The following TMEM131 variants were observed in gnomAD, a reference collection of about 807,000 sequenced individuals.
The protein encoded by TMEM131 is 2610524E03Rik.
TMEM131 carries 66 observed loss-of-function variants against 211.6 expected under a neutral mutation model. The observed-to-expected ratio is 0.31, with a 90% confidence interval of 0.26 to 0.38. TMEM131 has a LOEUF of 0.38. Ranked by LOEUF, TMEM131 falls within the 10% of genes least tolerant of loss-of-function variation. The pLI, the probability that TMEM131 is intolerant of heterozygous loss-of-function variation, is 1.00. For missense variants in TMEM131, 2,036 were observed against 2,299.3 expected (o/e 0.89, Z 2.34); for synonymous variants, 844 against 841.3 (o/e 1.00, Z -0.06).
intron 2 of TMEM131, among the ~76,000 whole-genome samples, chr2:97,914,288 G>C (rs1676413063): frequency 6.6e-6 from 1 of 152,172 alleles, no homozygotes; most frequent in South Asian, 2.1e-4. Flanking sequence ...TTTTAACTCA[G>C]TTTCCCCACT....
At chr2:97,957,212 C>G in intron 1 of TMEM131, among the ~76,000 whole-genome samples, 1 of 151,704 alleles carries the variant, frequency 6.6e-6, no homozygotes, top group South Asian at 2.1e-4. Flanking sequence ...TGAAAGACAC[C>G]AAATTTGGCA....
chr2:97,906,890 G>C (rs1676093810), intron 3 of TMEM131, among the ~76,000 whole-genome samples: 1 of 152,100 alleles, frequency 6.6e-6, no homozygotes, highest in Non-Finnish European at 1.5e-5. Flanking sequence ...CTAACTTTTA[G>C]ATAGAAGTAG....
At position 97,995,745 on chromosome 2, in the gene TMEM131, G is replaced by C; in HGVS notation, c.-83C>G. 1.9e-6 allele frequency: 2 copies of C among 1,055,920 alleles called. No homozygotes were observed. Among genetic ancestry groups the C allele is most frequent in the Non-Finnish European group, 1.2e-6 (1 of 853,758 alleles). 65.4% of individuals were successfully genotyped at this position (1,055,920 alleles called of 1,614,324 possible). A position where few individuals can be genotyped will look rare whatever the true frequency, so the allele number is the denominator to read the frequency against. ...GGCGGCGGCGCGGAAGCCGTGGTCC[G>C]GGCTCTGGCCGCGGCGCCGGGAGCG... On this transcript the variant is annotated 5_prime_UTR_variant, in exon 1 of 41. Transcript: ENST00000186436.
chr2:97,837,593 TG>T (rs534646759), intron 7 of TMEM131, among the ~76,000 whole-genome samples: 57 of 152,180 alleles, frequency 3.7e-4, no homozygotes, highest in Non-Finnish European at 7.1e-4. Context: ...AATTGTGAGA[TG>T]GGGAAGAGTA....
At chr2:97,884,634 T>C (rs957113259) in intron 4 of TMEM131, among the ~76,000 whole-genome samples, 10 of 152,240 alleles carry the variant, frequency 6.6e-5, no homozygotes, top group South Asian at 2.1e-4. Flanking sequence ...CCAACTGTTA[T>C]ATTTTCTTGC....
rs1451135701 is a variant in TMEM131, at chr2:97,792,993, G to A, written c.3546-9C>T. ...AGCTGAGTGTGTTCAAGCTGAAAAA[G>A]GGACCAACTGCAGATCAGTAAATAG... On this transcript the variant is annotated splice_polypyrimidine_tract_variant and intron_variant, in intron 30 of 40. Coordinates refer to ENST00000186436, the MANE Select transcript of TMEM131 (RefSeq NM_015348.2). The A allele has an allele frequency of 2.0e-6, 3 of 1,515,902 alleles. No individual in the cohort carries two copies. The highest frequency in any genetic ancestry group is 2.3e-5 in the East Asian group (1 of 42,584). 93.9% of individuals were successfully genotyped at this position (1,515,902 alleles called of 1,614,324 possible).
intron 1 of TMEM131, among the ~76,000 whole-genome samples, chr2:97,983,362 A>T (rs1679883926): frequency 6.6e-6 from 1 of 152,130 alleles, no homozygotes; most frequent in African/African-American, 2.4e-5. Flanking sequence ...CCCTCTTCCC[A>T]TCATGGCCTG....
chr2:97,888,004 C>T, intron 4 of TMEM131, 48 bp downstream of exon 4: 1 of 1,415,360 alleles, frequency 7.1e-7, no homozygotes, highest in Non-Finnish European at 9.9e-7. Context: ...ATGTAAAATA[C>T]ATTTAATAGT....
At chr2:97,958,603 T>C (rs555458405) in intron 1 of TMEM131, among the ~76,000 whole-genome samples, 1 of 152,318 alleles carries the variant, frequency 6.6e-6, no homozygotes, top group Non-Finnish European at 1.5e-5. Context: ...CATTTTATGA[T>C]ACCCACAAGC....
intron 1 of TMEM131, among the ~76,000 whole-genome samples, chr2:97,981,616 T>C (rs1679802437): frequency 6.6e-6 from 1 of 152,152 alleles, no homozygotes; most frequent in Admixed American, 6.5e-5. Context: ...CAGCTCCCAT[T>C]TTAAGTATAT....
chr2:97,896,472 C>T (rs1187070794), intron 3 of TMEM131, among the ~76,000 whole-genome samples: 1 of 152,008 alleles, frequency 6.6e-6, no homozygotes, highest in Non-Finnish European at 1.5e-5. Flanking sequence ...TTAAAGTCTC[C>T]CACTATTATT....
intron 3 of TMEM131, among the ~76,000 whole-genome samples, chr2:97,897,737 G>T (rs1268321039): frequency 6.6e-6 from 1 of 151,950 alleles, no homozygotes; most frequent in African/African-American, 2.4e-5. Context: ...CTCATAAAAC[G>T]TGTAAGGAAG....
At chr2:97,828,491 C>T (rs1353808109) in intron 11 of TMEM131, among the ~76,000 whole-genome samples, 1 of 152,198 alleles carries the variant, frequency 6.6e-6, no homozygotes, top group African/African-American at 2.4e-5. Flanking sequence ...ATGGCCACTG[C>T]TACAGGAACC....
intron 3 of TMEM131, among the ~76,000 whole-genome samples, chr2:97,895,091 ATTTTGTC>A (rs1675547818): frequency 6.6e-6 from 1 of 152,134 alleles, no homozygotes; most frequent in Admixed American, 6.5e-5. Flanking sequence ...GGGGTGTTGA[ATTTTGTC>A]GAAGGCCTTT....
intron 12 of TMEM131, among the ~76,000 whole-genome samples, chr2:97,816,741 G>C (rs893794919): frequency 2.0e-5 from 3 of 152,150 alleles, no homozygotes; most frequent in African/African-American, 7.2e-5. Flanking sequence ...AGCATTTCAT[G>C]ACATTGTATC....
intron 31 of TMEM131, among the ~76,000 whole-genome samples, chr2:97,781,969 G>A (rs985906259): frequency 6.6e-6 from 1 of 152,238 alleles, no homozygotes; most frequent in Non-Finnish European, 1.5e-5. Context: ...GGCCAAAGTG[G>A]GAGCCAAGAC....
chr2:97,966,567 T>A (rs1679069268), intron 1 of TMEM131, among the ~76,000 whole-genome samples: 2 of 152,190 alleles, frequency 1.3e-5, no homozygotes, highest in African/African-American at 4.8e-5. Context: ...TTTGTTGAGC[T>A]GACTACATGG....
intron 28 of TMEM131, 137 bp downstream of exon 28, chr2:97,796,081 C>G: frequency 1.9e-6 from 1 of 530,562 alleles, no homozygotes; most frequent in East Asian, 3.5e-5. Context: ...GAAGAAATAC[C>G]TTAGCCAAAG....
chr2:97,813,560 A>G (rs1681666743), intron 15 of TMEM131, among the ~76,000 whole-genome samples: 1 of 152,010 alleles, frequency 6.6e-6, no homozygotes, highest in African/African-American at 2.4e-5. Flanking sequence ...CTTCTTTACT[A>G]TCTGATTCTC....
Sources: allele counts gnomAD v4.1 joint callset (sites outside exome capture counted in the v4.1 genomes callset), GRCh38; gene constraint gnomAD v4.1.1; transcripts MANE v1.5; gene names NCBI Gene and HGNC (gene_info 2026-07-23, HGNC 2026-07-21).